The following NOSTRIN variants were observed in gnomAD, a reference collection of about 807,000 sequenced individuals.
NOSTRIN encodes the protein nitric oxide synthase trafficking.
Under a neutral mutation model 59.0 loss-of-function variants are expected in NOSTRIN, and 63 were observed. That is an observed-to-expected ratio of 1.07 (90% CI 0.87 to 1.32). The LOEUF (loss-of-function observed/expected upper bound fraction) is 1.32, where lower values mean the gene tolerates loss of function less well. Among genes scored for constraint, NOSTRIN ranks in the 40% most tolerant of loss-of-function variants. The pLI is 0.00. For missense variants in NOSTRIN, 512 were observed against 473.1 expected, an observed-to-expected ratio of 1.08 and a Z score of -0.76; for synonymous variants, 200 against 165.4, an observed-to-expected ratio of 1.21 and a Z score of -1.61.
chr2:168,845,296 A>C (rs987403132), intron 8 of NOSTRIN, among the ~76,000 whole-genome samples: 1 of 152,138 alleles, frequency 6.6e-6, no homozygotes, highest in African/African-American at 2.4e-5. Flanking sequence ...CTTTCCACTG[A>C]GGTCAGCTTC....
At chr2:168,834,395 C>T in intron 7 of NOSTRIN, 70 bp downstream of exon 7, 2 of 782,568 alleles carry the variant, frequency 2.6e-6, no homozygotes, top group Non-Finnish European at 4.6e-6. Context: ...TAGCTACGAA[C>T]ACAAGAGAAC....
intron 8 of NOSTRIN, among the ~76,000 whole-genome samples, chr2:168,844,309 A>G (rs1454649329): frequency 6.6e-6 from 1 of 152,204 alleles, no homozygotes; most frequent in African/African-American, 2.4e-5. Flanking sequence ...CTCTACATAA[A>G]TATGACCAAA....
In NOSTRIN at chr2:168,789,816, A is replaced by G. The variant is rs148667190; in HGVS notation, c.-473+1768A>G. Among the ~76,000 whole-genome samples the G allele has an allele frequency of 8.7e-4, 133 of 152,344 alleles. 2 individuals are homozygous for G. In the East Asian group the frequency reaches 0.023, roughly 26 times the overall value. ...AAACTGAAAGTCAGACCGAGAAACAAAGGGCCTTCAAGAAGCTTTCTGAAC... is the reference window on the plus strand; with the variant it reads ...AAACTGAAAGTCAGACCGAGAAACAGAGGGCCTTCAAGAAGCTTTCTGAAC... On this transcript the variant is annotated intron_variant, in intron 2 of 20. Coordinates refer to the NOSTRIN transcript ENST00000458381.
At chr2:168,854,943 C>A (rs1688991279) in intron 10 of NOSTRIN, among the ~76,000 whole-genome samples, 1 of 152,126 alleles carries the variant, frequency 6.6e-6, no homozygotes, top group Non-Finnish European at 1.5e-5. Flanking sequence ...AAATGTCTTC[C>A]ACTCCTGAGG....
At chr2:168,814,609 G>T (rs1359579303) in intron 2 of NOSTRIN, among the ~76,000 whole-genome samples, 1 of 152,168 alleles carries the variant, frequency 6.6e-6, no homozygotes, top group Non-Finnish European at 1.5e-5. Context: ...TGGTAGTCTT[G>T]GAATATATTC....
At chr2:168,799,406 C>T (rs1685560661), upstream of NOSTRIN, among the ~76,000 whole-genome samples, 1 of 152,146 alleles carries the variant, frequency 6.6e-6, no homozygotes, top group Admixed American at 6.5e-5. Flanking sequence ...TCCCAAAGTC[C>T]CCTTGGGCCA....
intron 12 of NOSTRIN, among the ~76,000 whole-genome samples, chr2:168,858,896 TA>T (rs1160875667): frequency 1.3e-5 from 2 of 152,142 alleles, no homozygotes; most frequent in African/African-American, 4.8e-5. Flanking sequence ...CCTGACAAGG[TA>T]ATTATAAAGT....
chr2:168,834,519 A>ACGCG (rs1687599868), intron 7 of NOSTRIN, among the ~76,000 whole-genome samples, 194 bp downstream of exon 7: 6 of 137,408 alleles, frequency 4.4e-5, no homozygotes, highest in Middle Eastern at 3.3e-3. Flanking sequence ...ACACACACAC[A>ACGCG]CACACACACA....
chr2:168,794,878 C>T (rs937552486), upstream of NOSTRIN, among the ~76,000 whole-genome samples: 2 of 152,242 alleles, frequency 1.3e-5, no homozygotes, highest in Non-Finnish European at 2.9e-5. Context: ...TGCAGGTGTG[C>T]CACTGCACCT....
intron 2 of NOSTRIN, among the ~76,000 whole-genome samples, chr2:168,816,334 G>A (rs1686401838): frequency 6.6e-6 from 1 of 152,016 alleles, no homozygotes; most frequent in African/African-American, 2.4e-5. Flanking sequence ...TGACCTTTAG[G>A]ATAAAATTTA....
chr2:168,831,456 T>C lies in NOSTRIN; in HGVS notation c.343-16T>C, dbSNP rs1165161367. ...GAAGAAAGCAAAGCTTTGTTTCCTT[T>C]TTCCTTTTTCAATAGCTTGACAATG... On this transcript the variant is annotated splice_polypyrimidine_tract_variant and intron_variant, in intron 5 of 15. Transcript: ENST00000317647. 1 of 862,046 alleles carries C rather than the reference T, an allele frequency of 1.2e-6. No homozygotes were observed. Among genetic ancestry groups the C allele is most frequent in the Non-Finnish European group, 2.0e-6 (1 of 492,936 alleles). 53.4% of individuals were successfully genotyped at this position (862,046 alleles called of 1,614,324 possible). A position where few individuals can be genotyped will look rare whatever the true frequency, so the allele number is the denominator to read the frequency against.
chr2:168,855,334 CCTT>C lies in NOSTRIN; in HGVS notation c.856-14_856-12del. 7.4e-7 allele frequency: 1 copy of C among 1,355,570 alleles called. No individual in the cohort carries two copies. The highest frequency in any genetic ancestry group is 1.0e-6 in the Non-Finnish European group (1 of 963,820). 84.0% of individuals were successfully genotyped at this position (1,355,570 alleles called of 1,614,324 possible). On this transcript the variant is annotated splice_polypyrimidine_tract_variant and intron_variant, in intron 10 of 15. Transcript: ENST00000317647. Reference sequence around the variant, plus strand: ...TTACTTCTTCCCCCTTGTTAGACATCCTTCTTTTTTCCTAAAGGAAGAAGATCC... The same window carrying C: ...TTACTTCTTCCCCCTTGTTAGACATCCTTTTTTCCTAAAGGAAGAAGATCC...
chr2:168,855,638 C>CAA, intron 11 of NOSTRIN, 178 bp downstream of exon 11: 25,838 of 115,766 alleles, frequency 0.22, 3,094 homozygotes, highest in Non-Finnish European at 0.27. Context: ...AAAAGAAAGC[C>CAA]AAAAAAAAAA....
rs1272505241 is a variant in NOSTRIN at position 168,840,544 on chromosome 2, A to AAC, written c.505-2447_505-2446insCA. Among the ~76,000 whole-genome samples, 363 of 151,518 alleles carry AAC rather than the reference A, an allele frequency of 2.4e-3. 2 individuals carry two copies. Among genetic ancestry groups the AAC allele is most frequent in the African/African-American group, 8.4e-3 (346 of 41,118 alleles). Reference sequence around the variant, plus strand: ...GACTCCATCTCAAAAAAAAAAAAAAAAAAAAAACAAAAAAACAGATATGTC... The same window carrying AAC: ...GACTCCATCTCAAAAAAAAAAAAAAAACAAAAAAACAAAAAAACAGATATGTC... On this transcript the variant is annotated intron_variant, in intron 7 of 15. Transcript: ENST00000317647.
At chr2:168,806,136 C>T (rs1685839736) in intron 1 of NOSTRIN, among the ~76,000 whole-genome samples, 1 of 152,090 alleles carries the variant, frequency 6.6e-6, no homozygotes, top group Non-Finnish European at 1.5e-5. Flanking sequence ...GAAACATCAC[C>T]CCCAGTGAAT....
chr2:168,813,145 T>G (rs1182417277), intron 2 of NOSTRIN, among the ~76,000 whole-genome samples: 1 of 152,162 alleles, frequency 6.6e-6, no homozygotes, highest in African/African-American at 2.4e-5. Context: ...CCAAAGGAAA[T>G]TATTTAAAAT....
upstream of NOSTRIN, among the ~76,000 whole-genome samples, chr2:168,794,518 AT>A (rs1409843573): frequency 6.6e-6 from 1 of 151,554 alleles, no homozygotes; most frequent in Non-Finnish European, 1.5e-5. Flanking sequence ...CGCCTGGCTA[AT>A]TTTTTGTGTT....
rs554711834 is a variant in NOSTRIN at position 168,815,127 on chromosome 2, C to T, written c.113+3475C>T. On this transcript the variant is annotated intron_variant, in intron 2 of 15. Coordinates refer to ENST00000317647, the MANE Select transcript of NOSTRIN (RefSeq NM_001039724.4). ...AAGCTGCCAGGCCAGAGAATGTTTC[C>T]TTTCCAAACTCAGCTGCCCTCTTGC... Among the ~76,000 whole-genome samples the T allele has an allele frequency of 2.6e-5, 4 of 152,248 alleles. No homozygotes were observed. In the South Asian group the frequency reaches 8.3e-4, roughly 32 times the overall value.
chr2:168,792,512 C>G (rs1211557257), intron 2 of NOSTRIN, among the ~76,000 whole-genome samples: 1 of 152,010 alleles, frequency 6.6e-6, no homozygotes, highest in African/African-American at 2.4e-5. Flanking sequence ...TGCAGTGGTG[C>G]GATCTTGACT....
Sources: allele counts gnomAD v4.1 joint callset (sites outside exome capture counted in the v4.1 genomes callset), GRCh38; gene constraint gnomAD v4.1.1; transcripts MANE v1.5; gene names NCBI Gene and HGNC (gene_info 2026-07-23, HGNC 2026-07-21).